The following DCTN1 variants were observed in gnomAD, a reference collection of about 807,000 sequenced individuals.
DCTN1 encodes 150 kDa dynein-associated polypeptide.
Under a neutral mutation model 161.2 loss-of-function variants are expected in DCTN1, and 61 were observed. That is an observed-to-expected ratio of 0.38 (90% CI 0.31 to 0.47). The LOEUF (loss-of-function observed/expected upper bound fraction) is 0.47. DCTN1 is among the 20% of genes least tolerant of loss of function. The pLI is 0.99. For missense variants in DCTN1, 1,404 were observed against 1,623.7 expected (o/e 0.86, Z 2.33); for synonymous variants, 653 against 632.4 (o/e 1.03, Z -0.49).
At chr2:74,391,760 G>T (rs1351334578) in intron 1 of DCTN1, 1 of 452,968 alleles carries the variant, frequency 2.2e-6, no homozygotes, top group South Asian at 1.6e-5. Context: ...GGGGGCCGGC[G>T]GAGCAGACGG....
chr2:74,374,430 A>ACGAAGGGAGGGAGGGCAAGAGAC (rs1675097355), intron 5 of DCTN1, 90 bp from the exon 6 acceptor site: 3 of 1,596,718 alleles, frequency 1.9e-6, no homozygotes, highest in Non-Finnish European at 2.6e-6. Context: ...GGAAGGACAG[A>ACGAAGGGAGGGAGGGCAAGAGAC]CGAAGGGAGG....
Position 74,371,723 on chromosome 2 carries a change from C to A in DCTN1, c.459G>T (p.Thr153=), listed in dbSNP as rs773422770. The change falls in exon 8 of 32, where the codon ACG becomes ACT. Residue 153 remains threonine, a synonymous_variant. Coordinates refer to ENST00000628224, the MANE Select transcript of DCTN1 (RefSeq NM_004082.5). The part of the protein sequence containing the change: ...RKTTTRRPKP[T]RPASTGVAGA... Reference sequence around the variant, plus strand: ...CAGCCACCCCAGTACTGGCTGGGCGCGTGGGCTATTCAGAAAGGGTAGAGG... The same window carrying A: ...CAGCCACCCCAGTACTGGCTGGGCGAGTGGGCTATTCAGAAAGGGTAGAGG... 1 of 1,607,556 alleles carries A rather than the reference C, an allele frequency of 6.2e-7. No individual in the cohort carries two copies. Among genetic ancestry groups the A allele is most frequent in the Non-Finnish European group, 8.5e-7 (1 of 1,178,154 alleles).
chr2:74,391,804 A>AGG (rs1354824134), exon 1 of DCTN1: 7 of 453,782 alleles, frequency 1.5e-5, no homozygotes, highest in Admixed American at 4.7e-5. Context: ...CTGCACTGTG[A>AGG]GGGGCTCCGC....
chr2:74,365,252 G>C lies in DCTN1; in HGVS notation c.3030-11C>G, dbSNP rs770969863. 2.7e-5 allele frequency: 44 copies of C among 1,614,038 alleles called. No homozygotes were observed. The highest frequency in any genetic ancestry group is 3.6e-5 in the Non-Finnish European group (43 of 1,180,018). ...GTCTCCTCAAACTCTCTGTGAAAGA[G>C]AATCTGGGCTTTGGCAGTGTCCCTT... On this transcript the variant is annotated splice_polypyrimidine_tract_variant and intron_variant, in intron 25 of 31. Transcript: ENST00000628224.
chr2:74,367,886 TG>T, intron 17 of DCTN1, 22 bp from the exon 18 acceptor site: 1 of 1,614,054 alleles, frequency 6.2e-7, no homozygotes. Context: ...AGAAGGGCAC[TG>T]TGAGGCTAGA....
At chr2:74,387,065 C>T (rs1239961760) in intron 1 of DCTN1, 3 of 152,268 alleles carry the variant, frequency 2.0e-5, no homozygotes, top group South Asian at 4.1e-4. Flanking sequence ...ATCTACTTCT[C>T]GATCCATTGC....
At chr2:74,373,534 C>T (rs1675023233) in intron 6 of DCTN1, among the ~76,000 whole-genome samples, 1 of 152,170 alleles carries the variant, frequency 6.6e-6, no homozygotes, top group African/African-American at 2.4e-5. Flanking sequence ...CTGCAGCAGT[C>T]CCGATCACTA....
intron 29 of DCTN1, 87 bp from the exon 30 acceptor site, chr2:74,362,816 T>C: frequency 7.2e-7 from 1 of 1,380,738 alleles, no homozygotes; most frequent in Non-Finnish European, 1.0e-6. Context: ...GGTATAAGAC[T>C]CTCTAACAGA....
At chr2:74,391,549 T>C in intron 1 of DCTN1, 1 of 324,752 alleles carries the variant, frequency 3.1e-6, no homozygotes, top group South Asian at 2.3e-5. Flanking sequence ...ACCCTTGCAG[T>C]TCTGGAGGAA....
rs1445980252 is a variant in DCTN1 at position 74,371,664 on chromosome 2, G to A, written c.518C>T (p.Ala173Val). ...ASSSLGPSGS[A>V]SAGELSSSEP... Reference sequence around the variant, plus strand: ...ACTGCTGCTCAGCTCACCTGCTGACGCTGAGCCAGAGGGGCCCAGGGAGCT... The same window carrying A: ...ACTGCTGCTCAGCTCACCTGCTGACACTGAGCCAGAGGGGCCCAGGGAGCT... The change falls in exon 8 of 32, where the codon GCG becomes GTG. Residue 173 changes from alanine to valine, a missense_variant. Physicochemically the swap from Ala to Val is moderately conservative, Grantham distance 64. Coordinates refer to ENST00000628224, the MANE Select transcript of DCTN1 (RefSeq NM_004082.5). 7.5e-6 allele frequency: 12 copies of A among 1,600,784 alleles called. No individual in the cohort carries two copies. Among genetic ancestry groups the A allele is most frequent in the South Asian group, 4.5e-5 (4 of 88,364 alleles).
At chr2:74,374,902 C>T (rs1675134694) in intron 5 of DCTN1, among the ~76,000 whole-genome samples, 1 of 152,196 alleles carries the variant, frequency 6.6e-6, no homozygotes, top group Admixed American at 6.5e-5. Context: ...GGGCCAGGGG[C>T]TATCCCAGAA....
chr2:74,364,790 T>TCTTTCTGG, intron 26 of DCTN1: 1 of 469,628 alleles, frequency 2.1e-6, no homozygotes, highest in Non-Finnish European at 3.9e-6. Flanking sequence ...GGCAGAAAGG[T>TCTTTCTGG]CAGATTACAG....
chr2:74,390,017 T>C (rs1315387609), intron 1 of DCTN1, among the ~76,000 whole-genome samples: 2 of 152,192 alleles, frequency 1.3e-5, no homozygotes, highest in Admixed American at 6.5e-5. Flanking sequence ...TCTCATTTCT[T>C]ACTATAATCA....
At chr2:74,367,181 C>T (rs1471318042) in intron 19 of DCTN1, 74 bp from the exon 20 acceptor site, 2 of 1,583,984 alleles carry the variant, frequency 1.3e-6, no homozygotes, top group African/African-American at 2.7e-5. Flanking sequence ...TCTAAGAAGT[C>T]CCCATCCTCT....
In DCTN1 at chr2:74,368,870, A is replaced by G. The variant is rs121909343; in HGVS notation, c.1712T>C (p.Met571Thr). The G allele has an allele frequency of 1.2e-6, 2 of 1,614,124 alleles. No homozygotes were observed. Among genetic ancestry groups the G allele is most frequent in the South Asian group, 1.1e-5 (1 of 91,092 alleles). ...ETKAHAKAIE[M>T]ELRQMEVAQA... ...GGCCACCTCCATCTGCCTCAATTCC[A>G]TCTCAATTGCCTGTGAGGTGAACAG... is the stretch of plus-strand genomic sequence containing the variant. The change falls in exon 16 of 32, where the codon ATG becomes ACG. Residue 571 changes from methionine (M) to threonine (T), a missense_variant. Met to Thr is a moderately conservative substitution (Grantham distance 81). Around this residue, in one of 9 missense-constraint regions of DCTN1, gnomAD observed 278 missense variants for 363.8 expected, o/e 0.76. Transcript: ENST00000628224.
chr2:74,370,960 C>A lies in DCTN1; in HGVS notation c.843+19G>T, dbSNP rs556822905. 9.3e-6 allele frequency: 15 copies of A among 1,613,428 alleles called. No individual in the cohort carries two copies. The highest frequency in any genetic ancestry group is 2.2e-5 in the East Asian group (1 of 44,898). ...AGGTCTCAGGCTGCCCCAGCCACCCCCTTCATCCAGAGTCAAACCTTTCTC... is the reference window on the plus strand; with the variant it reads ...AGGTCTCAGGCTGCCCCAGCCACCCACTTCATCCAGAGTCAAACCTTTCTC... On this transcript the variant is annotated intron_variant, in intron 9 of 31. Transcript: ENST00000628224. The surrounding 1 kb of genome is among the most constrained non-coding windows in gnomAD (Gnocchi z 4.4).
chr2:74,380,411 C>A, upstream of DCTN1: 2 of 503,664 alleles, frequency 4.0e-6, no homozygotes, highest in African/African-American at 1.9e-5. Flanking sequence ...TGGGCATACG[C>A]CACAGACCCT....
chr2:74,370,551 A>G lies in DCTN1; in HGVS notation c.1049-7T>C, dbSNP rs781583236. 6.2e-7 allele frequency: 1 copy of G among 1,614,038 alleles called. No homozygotes were observed. Among genetic ancestry groups the G allele is most frequent in the Non-Finnish European group, 8.5e-7 (1 of 1,180,010 alleles). ...GATGCAGCGCCATCTGAGCCTGGAG[A>G]AGATCATTAACACTTTCAGGCATGG... is the stretch of plus-strand genomic sequence containing the variant. On this transcript the variant is annotated splice_region_variant and splice_polypyrimidine_tract_variant and intron_variant, in intron 10 of 31. Coordinates refer to ENST00000628224, the MANE Select transcript of DCTN1 (RefSeq NM_004082.5). This position sits in a 1 kb window ranked among gnomAD's most constrained non-coding sequence, Gnocchi z 4.4.
At position 74,369,861 on chromosome 2, in the gene DCTN1, G is replaced by T; in HGVS notation, c.1392+104C>A. 1 of 1,127,704 alleles carries T rather than the reference G, an allele frequency of 8.9e-7. No individual in the cohort carries two copies. Among genetic ancestry groups the T allele is most frequent in the Non-Finnish European group, 1.3e-6 (1 of 747,572 alleles). 69.9% of individuals were successfully genotyped at this position (1,127,704 alleles called of 1,614,324 possible). Reference sequence around the variant, plus strand: ...AGGCAGGGTCAGGGTAGCAAGCCCAGGCTGGGTCCCTCACCGCACACCCTG... The same window carrying T: ...AGGCAGGGTCAGGGTAGCAAGCCCATGCTGGGTCCCTCACCGCACACCCTG... On this transcript the variant is annotated intron_variant, in intron 13 of 31. Transcript: ENST00000628224. This position sits in a 1 kb window ranked among gnomAD's most constrained non-coding sequence, Gnocchi z 4.9.
Sources: gnomAD v4.1 joint callset for allele counts (sites outside exome capture counted in the v4.1 genomes callset) on GRCh38, gnomAD v4.1.1 for gene constraint, gnomAD v4.1.1 regional missense constraint, Gnocchi (gnomAD v3.1) non-coding constraint, MANE v1.5 for transcripts, NCBI Gene and HGNC (gene_info 2026-07-23, HGNC 2026-07-21) for gene names.